Variants in OR5B2 observed in about 807,000 individuals in gnomAD.
The protein encoded by OR5B2 is olfactory receptor 5B2.
For missense variants in OR5B2, 411 were observed against 367.0 expected, an observed-to-expected ratio of 1.12 and a Z score of -0.98; for synonymous variants, 163 against 140.8, an observed-to-expected ratio of 1.16 and a Z score of -1.11.
chr11:58,422,409 G>A lies in OR5B2; in HGVS notation c.853C>T (p.Pro285Ser), dbSNP rs1855284939. ...FYAMIIPMLN[P>S]VVYSLRNREV... is the part of the protein sequence containing the mutation. ...CTGTTCCTCAGGCTGTAGACCACAG[G>A]GTTCAGCATGGGGATGATCATAGCA... The change falls in exon 3 of 3, where the codon CCT becomes TCT. Residue 285 changes from proline to serine, a missense_variant. Physicochemically the swap from Pro to Ser is moderately conservative, Grantham distance 74. Coordinates refer to ENST00000641342, the MANE Select transcript of OR5B2 (RefSeq NM_001005566.3). 1 of 1,613,410 alleles carries A rather than the reference G, an allele frequency of 6.2e-7. No homozygotes were observed. The highest frequency in any genetic ancestry group is 2.2e-5 in the East Asian group (1 of 44,846).
chr11:58,426,361 T>C (rs1391184720), intron 2 of OR5B2, among the ~76,000 whole-genome samples: 1 of 152,092 alleles, frequency 6.6e-6, no homozygotes, highest in African/African-American at 2.4e-5. Context: ...CCAATGTCTG[T>C]TGCCCTCTAA....
At position 58,423,050 on chromosome 11, in the gene OR5B2, T is replaced by C. The variant is rs1855298533; in HGVS notation, c.212A>G (p.Tyr71Cys). 2 of 1,613,294 alleles carry C rather than the reference T, an allele frequency of 1.2e-6. No individual in the cohort carries two copies. Among genetic ancestry groups the C allele is most frequent in the African/African-American group, 1.3e-5 (1 of 74,782 alleles). The change falls in exon 3 of 3, where the codon TAC becomes TGC. Residue 71 changes from tyrosine to cysteine, a missense_variant. Tyr to Cys is a radical substitution (Grantham distance 194). Coordinates refer to ENST00000641342, the MANE Select transcript of OR5B2 (RefSeq NM_001005566.3). Reference protein sequence around the residue: ...LSNLSLVDFGYSSAVTPKVMA... With the variant: ...LSNLSLVDFGCSSAVTPKVMA... ...GACCTTGGGAGTGACAGCTGAGGAGTATCCAAAGTCCACCAGAGACAGGTT... is the reference window on the plus strand; with the variant it reads ...GACCTTGGGAGTGACAGCTGAGGAGCATCCAAAGTCCACCAGAGACAGGTT...
intron 1 of OR5B2, among the ~76,000 whole-genome samples, chr11:58,427,579 G>T (rs996819937): frequency 6.6e-6 from 1 of 152,118 alleles, no homozygotes; most frequent in South Asian, 2.1e-4. Flanking sequence ...CTTGGAAATA[G>T]CAAGTGGTGT....
rs1855278803 is a variant in OR5B2 at position 58,421,982 on chromosome 11, A to C, written c.*350T>G. 1 of 179,368 alleles carries C rather than the reference A, an allele frequency of 5.6e-6. No individual in the cohort carries two copies. Among genetic ancestry groups the C allele is most frequent in the African/African-American group, 2.4e-5 (1 of 42,098 alleles). 11.1% of individuals were successfully genotyped at this position (179,368 alleles called of 1,614,324 possible). Reference sequence around the variant, plus strand: ...TGCCTATGTGCCCACAAGAGGCATAAACATGTACTTTTTTGTGGGCTTGTT... The same window carrying C: ...TGCCTATGTGCCCACAAGAGGCATACACATGTACTTTTTTGTGGGCTTGTT... On this transcript the variant is annotated 3_prime_UTR_variant, in exon 3 of 3. Transcript: ENST00000641342.
Position 58,422,767 on chromosome 11 carries a change from A to G in OR5B2, c.495T>C (p.Ser165=), listed in dbSNP as rs750251170. The G allele has an allele frequency of 6.2e-7, 1 of 1,613,906 alleles. No individual in the cohort carries two copies. Among genetic ancestry groups the G allele is most frequent in the South Asian group, 1.1e-5 (1 of 91,082 alleles). Reference sequence around the variant, plus strand: ...GATGTACCAGATTGGATTTACAGAAAGAGAGACTGAATATGCCCCCAATGT... The same window carrying G: ...GATGTACCAGATTGGATTTACAGAAGGAGAGACTGAATATGCCCCCAATGT... ...SFHIGGIFSL[S]FCKSNLVHHF... Residue 165 remains serine, a synonymous_variant, in exon 3 of 3, where the codon TCT becomes TCC. Transcript: ENST00000641342.
Position 58,422,354 on chromosome 11 carries a change from A to T in OR5B2, c.908T>A (p.Leu303Ter). Residue 303 changes from leucine to a stop codon, truncating the protein, a stop_gained, in exon 3 of 3, where the codon TTG becomes TAG. Transcript: ENST00000641342. LOFTEE classifies it low-confidence loss of function (END_TRUNC). The stretch of plus-strand genomic sequence containing the variant: ...AACTTATAGAAATTTTTGCCTTCTC[A>T]ACACTTTCTTGAATGCATTCTGGAC... Reference protein sequence around the residue: ...REVQNAFKKVLRRQKFL With the variant: ...REVQNAFKKV 6.2e-7 allele frequency: 1 copy of T among 1,607,262 alleles called. No homozygotes were observed. The highest frequency in any genetic ancestry group is 8.5e-7 in the Non-Finnish European group (1 of 1,175,032).
At chr11:58,426,091 A>G (rs1194691718) in intron 2 of OR5B2, among the ~76,000 whole-genome samples, 1 of 152,048 alleles carries the variant, frequency 6.6e-6, no homozygotes, top group East Asian at 1.9e-4. Flanking sequence ...CATTGCCTCA[A>G]CAAGTATTTA....
At chr11:58,426,268 T>C (rs1855336512) in intron 2 of OR5B2, among the ~76,000 whole-genome samples, 1 of 152,110 alleles carries the variant, frequency 6.6e-6, no homozygotes, top group African/African-American at 2.4e-5. Flanking sequence ...GATTATTTCA[T>C]CACTCAGGTA....
At chr11:58,426,971 T>C (rs952737267) in intron 1 of OR5B2, among the ~76,000 whole-genome samples, 1 of 152,120 alleles carries the variant, frequency 6.6e-6, no homozygotes, top group African/African-American at 2.4e-5. Flanking sequence ...CTCAGAGTAA[T>C]ATACCAGTGT....
rs1408750006 is a variant in OR5B2, at chr11:58,421,992, T to C, written c.*340A>G. ...CCCACAAGAGGCATAAACATGTACT[T>C]TTTTGTGGGCTTGTTGGTGTCCCTG... is the stretch of plus-strand genomic sequence containing the variant. On this transcript the variant is annotated 3_prime_UTR_variant, in exon 3 of 3. Transcript: ENST00000641342. 1 of 182,468 alleles carries C rather than the reference T, an allele frequency of 5.5e-6. No individual in the cohort carries two copies. The highest frequency in any genetic ancestry group is 5.5e-5 in the Admixed American group (1 of 18,338). The allele number at this position is 182,468 out of a possible 1,614,324, so 11.3% of individuals were successfully genotyped here.
At position 58,422,057 on chromosome 11, in the gene OR5B2, T is replaced by C; in HGVS notation, c.*275A>G. 1 of 257,608 alleles carries C rather than the reference T, an allele frequency of 3.9e-6. No homozygotes were observed. Among genetic ancestry groups the C allele is most frequent in the Non-Finnish European group, 7.4e-6 (1 of 135,504 alleles). 16.0% of individuals were successfully genotyped at this position (257,608 alleles called of 1,614,324 possible). On this transcript the variant is annotated 3_prime_UTR_variant, in exon 3 of 3. Transcript: ENST00000641342. ...TTGCACTGGAATGTGGTAGAAAAAATGCAAGGGGAACAAGTGAGTAAACCG... is the reference window on the plus strand; with the variant it reads ...TTGCACTGGAATGTGGTAGAAAAAACGCAAGGGGAACAAGTGAGTAAACCG...
Position 58,423,003 on chromosome 11 carries a change from C to T in OR5B2, c.259G>A (p.Asp87Asn), listed in dbSNP as rs1446437478. The change falls in exon 3 of 3, where the codon GAC (aspartate) becomes AAC (asparagine). Residue 87 changes from aspartate (D) to asparagine (N), a missense_variant. Asp to Asn is a conservative substitution (Grantham distance 23, BLOSUM62 1). Transcript: ENST00000641342. ...CATGCATTGTAGGAGATGACCTTGT[C>T]TCCTCTAAGGAACCCAGCCATGACC... is the stretch of plus-strand genomic sequence containing the variant. ...PKVMAGFLRG[D>N]KVISYNACAV... 1 of 1,613,718 alleles carries T rather than the reference C, an allele frequency of 6.2e-7. No individual in the cohort carries two copies. Among genetic ancestry groups the T allele is most frequent in the Non-Finnish European group, 8.5e-7 (1 of 1,179,846 alleles).
rs929425200 is a variant in OR5B2, at chr11:58,428,027, G to C, written c.-92C>G. On this transcript the variant is annotated 5_prime_UTR_variant, in exon 1 of 3. Coordinates refer to ENST00000641342, the MANE Select transcript of OR5B2 (RefSeq NM_001005566.3). ...GAGATTTGTGATCTTACCTTGATTG[G>C]AGGAGGAATCCACATGGCCAGAATG... 2.0e-5 allele frequency: 3 copies of C among 152,466 alleles called. No homozygotes were observed. Among genetic ancestry groups the C allele is most frequent in the African/African-American group, 7.2e-5 (3 of 41,448 alleles). 9.4% of individuals were successfully genotyped at this position (152,466 alleles called of 1,614,324 possible). A position where few individuals can be genotyped will look rare whatever the true frequency, so the allele number is the denominator to read the frequency against.
chr11:58,426,047 TATTTATTC>T (rs1286388740), intron 2 of OR5B2, among the ~76,000 whole-genome samples: 11 of 152,160 alleles, frequency 7.2e-5, no homozygotes, highest in Non-Finnish European at 1.3e-4. Context: ...CTGACTTATT[TATTTATTC>T]ATTTATTCAT....
Position 58,422,944 on chromosome 11 carries a change from G to A in OR5B2, c.318C>T (p.Ala106=). Reference sequence around the variant, plus strand: ...AGGCCAACAAGTAATTTTCCACCGTGGCCAAGGCTACAAAGAAGAACATCT... The same window carrying A: ...AGGCCAACAAGTAATTTTCCACCGTAGCCAAGGCTACAAAGAAGAACATCT... ...AVQMFFFVAL[A]TVENYLLASM... Residue 106 remains alanine, a synonymous_variant, in exon 3 of 3, where the codon GCC becomes GCT. Transcript: ENST00000641342. The A allele has an allele frequency of 6.2e-7, 1 of 1,613,818 alleles. No individual in the cohort carries two copies. The highest frequency in any genetic ancestry group is 8.5e-7 in the Non-Finnish European group (1 of 1,179,862).
chr11:58,425,268 C>G (rs577368878), intron 2 of OR5B2, among the ~76,000 whole-genome samples: 5 of 152,122 alleles, frequency 3.3e-5, no homozygotes, highest in Admixed American at 1.3e-4. Flanking sequence ...TCATCTATCT[C>G]ATTTTTTTCA....
Position 58,423,273 on chromosome 11 carries a change from G to A in OR5B2, c.-12C>T. 6.6e-7 allele frequency: 1 copy of A among 1,523,124 alleles called. No individual in the cohort carries two copies. The highest frequency in any genetic ancestry group is 8.9e-7 in the Non-Finnish European group (1 of 1,121,604). The allele number at this position is 1,523,124 out of a possible 1,614,324, so 94.4% of individuals were successfully genotyped here. ...GTACAATTCTCCATCAGTATTATCT[G>A]AGAAACTTAAGATGACCTGTAGCAA... On this transcript the variant is annotated 5_prime_UTR_variant, in exon 3 of 3. Coordinates refer to ENST00000641342, the MANE Select transcript of OR5B2 (RefSeq NM_001005566.3).
intron 2 of OR5B2, among the ~76,000 whole-genome samples, chr11:58,424,296 A>C (rs751426278): frequency 4.2e-4 from 64 of 152,156 alleles, no homozygotes; most frequent in Non-Finnish European, 7.5e-4. Flanking sequence ...GGAGGATGGC[A>C]GGGCTTTGTG....
At position 58,426,654 on chromosome 11, in the gene OR5B2, T is replaced by C. The variant is rs567362663; in HGVS notation, c.-61A>G. ...TTCAAGGAAGATGACACACTTTCAG[T>C]TGGTATCTTCAAATTGCAAGTCCTA... On this transcript the variant is annotated 5_prime_UTR_variant, in exon 2 of 3. Transcript: ENST00000641342. 1.3e-5 allele frequency: 2 copies of C among 152,106 alleles called. No individual in the cohort carries two copies. Among genetic ancestry groups the C allele is most frequent in the Non-Finnish European group, 2.9e-5 (2 of 67,996 alleles). The allele number at this position is 152,106 out of a possible 1,614,324, so 9.4% of individuals were successfully genotyped here.
Sources: gnomAD v4.1 joint callset for allele counts (sites outside exome capture counted in the v4.1 genomes callset) on GRCh38, gnomAD v4.1.1 for gene constraint, MANE v1.5 for transcripts, NCBI Gene and HGNC (gene_info 2026-07-23, HGNC 2026-07-21) for gene names.